Variants in TUBB8B observed in about 807,000 individuals in gnomAD.
The protein encoded by TUBB8B is HSA18p11 beta-tubulin 4Q pseudogene.
In TUBB8B, 26 loss-of-function variants were observed where a neutral mutation model predicts 31.9. That is an observed-to-expected ratio of 0.81 (90% confidence interval 0.60 to 1.13). TUBB8B has a LOEUF of 1.13. Among genes scored for constraint, TUBB8B ranks in the 50% most tolerant of loss-of-function variants. The pLI, the probability that TUBB8B is intolerant of heterozygous loss-of-function variation, is 0.00. For synonymous variants in TUBB8B, 173 were observed against 231.0 expected (o/e 0.75, Z 2.28); for missense variants, 467 against 586.7 (o/e 0.80, Z 2.11).
chr18:65,670 G>T, the TUBB8B span, among the ~76,000 whole-genome samples: 1 of 152,100 alleles, frequency 6.6e-6, no homozygotes, highest in African/African-American at 2.4e-5. Flanking sequence ...TTTCATCATT[G>T]TATTCAACAC....
chr18:48,575 A>G (rs1905855872), intron 3 of TUBB8B, 128 bp from the exon 4 acceptor site: 1 of 766,108 alleles, frequency 1.3e-6, no homozygotes, highest in South Asian at 1.5e-5. Context: ...GGTGGAGCAA[A>G]TGAAACTCCC....
At chr18:63,714 A>AACC in the TUBB8B span, among the ~76,000 whole-genome samples, 136 of 137,616 alleles carry the variant, frequency 9.9e-4, no homozygotes, top group East Asian at 3.1e-3. Flanking sequence ...TAACCCTAAC[A>AACC]CTAACCCTAA....
upstream of TUBB8B, among the ~76,000 whole-genome samples, chr18:54,276 A>G (rs1319289127): frequency 2.0e-5 from 3 of 151,732 alleles, no homozygotes; most frequent in African/African-American, 7.3e-5. Context: ...TAGTTAGTGT[A>G]TATATTTATG....
At chr18:51,655 G>A (rs185387266), upstream of TUBB8B, among the ~76,000 whole-genome samples, 2 of 151,912 alleles carry the variant, frequency 1.3e-5, no homozygotes, top group Non-Finnish European at 2.9e-5. Flanking sequence ...GGCCAGGCTG[G>A]CCTCGATTTC....
chr18:49,359 C>T lies in TUBB8B; in HGVS notation c.58-122G>A, dbSNP rs530560361. The T allele has an allele frequency of 7.3e-6, 6 of 817,234 alleles. No individual in the cohort carries two copies. In the East Asian group the frequency reaches 1.1e-4, roughly 15 times the overall value. The allele number at this position is 817,234 out of a possible 1,614,324, so 50.6% of individuals were successfully genotyped here. On this transcript the variant is annotated intron_variant, in intron 1 of 3. Coordinates refer to ENST00000308911, the MANE Select transcript of TUBB8B (RefSeq NM_001358689.2). ...CCCTGTCCCTGGGGTCCACCCCAGCCGCCTCGCCAGCCACCCGGTTCCACC... is the reference window on the plus strand; with the variant it reads ...CCCTGTCCCTGGGGTCCACCCCAGCTGCCTCGCCAGCCACCCGGTTCCACC...
chr18:60,322 T>A, the TUBB8B span, among the ~76,000 whole-genome samples: 1 of 151,696 alleles, frequency 6.6e-6, no homozygotes, highest in Non-Finnish European at 1.5e-5. Flanking sequence ...ACTTGTAATG[T>A]CTCCTTTTTC....
chr18:52,006 G>A (rs994132888), upstream of TUBB8B, among the ~76,000 whole-genome samples: 5 of 151,436 alleles, frequency 3.3e-5, no homozygotes, highest in African/African-American at 1.2e-4. Flanking sequence ...GGCTTTAAGG[G>A]TTATGTCTGG....
chr18:60,699 T>A, the TUBB8B span, among the ~76,000 whole-genome samples: 1 of 151,800 alleles, frequency 6.6e-6, no homozygotes, highest in Non-Finnish European at 1.5e-5. Context: ...TCCATTTTCT[T>A]TTTAACATTT....
At chr18:49,941 A>G (rs2144062391), upstream of TUBB8B, 6 of 465,528 alleles carry the variant, frequency 1.3e-5, no homozygotes, top group Middle Eastern at 6.6e-4. Context: ...CCTGTCCTAG[A>G]TTGATATTTT....
At chr18:58,656 T>C in the TUBB8B span, among the ~76,000 whole-genome samples, 2 of 151,814 alleles carry the variant, frequency 1.3e-5, no homozygotes, top group African/African-American at 4.8e-5. Flanking sequence ...TGTCTTCTTC[T>C]GAATCCTACA....
At chr18:54,808 C>T in the TUBB8B span, among the ~76,000 whole-genome samples, 1 of 152,016 alleles carries the variant, frequency 6.6e-6, no homozygotes, top group East Asian at 1.9e-4. Context: ...TCTTCCAAAT[C>T]TTGGCTATTA....
chr18:66,679 G>C, the TUBB8B span, among the ~76,000 whole-genome samples: 5 of 152,178 alleles, frequency 3.3e-5, no homozygotes, highest in African/African-American at 1.2e-4. Flanking sequence ...TTGCTTTGTA[G>C]TAAGATTTGA....
chr18:66,410 G>C, the TUBB8B span, among the ~76,000 whole-genome samples: 4 of 152,216 alleles, frequency 2.6e-5, no homozygotes, highest in East Asian at 5.8e-4. Context: ...AAATTAGCCA[G>C]ATGTGGTGGT....
chr18:62,652 A>G, the TUBB8B span, among the ~76,000 whole-genome samples: 1 of 151,504 alleles, frequency 6.6e-6, no homozygotes, highest in African/African-American at 2.4e-5. Context: ...TGATCTCTTG[A>G]CCTTGTGATC....
At chr18:59,011 G>C in the TUBB8B span, among the ~76,000 whole-genome samples, 2 of 151,584 alleles carry the variant, frequency 1.3e-5, no homozygotes, top group African/African-American at 4.8e-5. Context: ...TAAATAACCA[G>C]GTCTTATGGG....
the TUBB8B span, among the ~76,000 whole-genome samples, chr18:56,611 T>C: frequency 2.0e-5 from 3 of 151,924 alleles, no homozygotes; most frequent in Non-Finnish European, 4.4e-5. Flanking sequence ...TGAATTCTTT[T>C]GCAGTTTGTT....
At chr18:58,270 GTTTTTA>G in the TUBB8B span, among the ~76,000 whole-genome samples, 3 of 151,508 alleles carry the variant, frequency 2.0e-5, no homozygotes, top group Non-Finnish European at 2.9e-5. Flanking sequence ...AGGCTGCAAA[GTTTTTA>G]AGCTTTTACG....
chr18:63,432 C>A, the TUBB8B span, among the ~76,000 whole-genome samples: 11 of 151,624 alleles, frequency 7.3e-5, no homozygotes, highest in East Asian at 1.9e-4. Context: ...CTTTCTTTCT[C>A]TGAAACCAGC....
chr18:58,154 C>CTT, the TUBB8B span, among the ~76,000 whole-genome samples: 2 of 124,866 alleles, frequency 1.6e-5, no homozygotes, highest in Admixed American at 8.1e-5. Flanking sequence ...TCAACACTTG[C>CTT]TTTTTTTTTT....
Sources: allele counts gnomAD v4.1 joint callset (sites outside exome capture counted in the v4.1 genomes callset), GRCh38; gene constraint gnomAD v4.1.1; transcripts MANE v1.5; gene names NCBI Gene and HGNC (gene_info 2026-07-23, HGNC 2026-07-21).